RASGRP3: variants seen among roughly 807,000 people sequenced by gnomAD.
The protein encoded by RASGRP3 is ras guanyl-releasing protein 3.
A neutral mutation model predicts 82.7 loss-of-function variants in RASGRP3; 54 were observed. That is an observed-to-expected ratio of 0.65 (90% CI 0.52 to 0.82). The LOEUF (loss-of-function observed/expected upper bound fraction) is 0.82. Ranked by LOEUF, RASGRP3 falls within the 40% of genes least tolerant of loss-of-function variation. RASGRP3 has a pLI of 0.00. For synonymous variants in RASGRP3, 309 were observed against 300.5 expected (o/e 1.03, Z -0.29); for missense variants, 861 against 828.9 (o/e 1.04, Z -0.48).
intron 15 of RASGRP3, among the ~76,000 whole-genome samples, chr2:33,557,951 C>G (rs1676186825): frequency 1.3e-5 from 2 of 152,138 alleles, no homozygotes; most frequent in Middle Eastern, 3.2e-3. Context: ...TCCCTAGGCA[C>G]AATTGCTCAT....
chr2:33,527,316 A>T lies in RASGRP3; in HGVS notation c.987A>T (p.Lys329Asn). ...AGGAGAACAAAGTGAACATTGTGAA[A>T]ATGCACCAGCTCTCCGTTACCCTGA... ...WTEENKVNIV[K>N]MHQLSVTLSE... The change falls in exon 10 of 18, where the codon AAA becomes AAT. Residue 329 changes from lysine (K) to asparagine (N), a missense_variant. Coordinates refer to ENST00000403687, the MANE Select transcript of RASGRP3 (RefSeq NM_001139488.2). The T allele has an allele frequency of 6.2e-7, 1 of 1,613,900 alleles. No individual in the cohort carries two copies. The highest frequency in any genetic ancestry group is 8.5e-7 in the Non-Finnish European group (1 of 1,179,808).
At chr2:33,464,239 C>T (rs1433543435) in intron 2 of RASGRP3, among the ~76,000 whole-genome samples, 1 of 149,020 alleles carries the variant, frequency 6.7e-6, no homozygotes, top group Non-Finnish European at 1.5e-5. Flanking sequence ...CTGTCTCAGA[C>T]TCCCAAGTAG....
At chr2:33,494,352 C>T (rs1669122267) in intron 1 of RASGRP3, among the ~76,000 whole-genome samples, 1 of 152,186 alleles carries the variant, frequency 6.6e-6, no homozygotes, top group African/African-American at 2.4e-5. Flanking sequence ...ATAACGCTTC[C>T]CTGGTTTCTG....
At chr2:33,521,906 A>T in intron 6 of RASGRP3, 49 bp from the exon 7 acceptor site, 1 of 1,563,600 alleles carries the variant, frequency 6.4e-7, no homozygotes, top group Non-Finnish European at 8.6e-7. Flanking sequence ...ACTTCCATTG[A>T]GTGAAATGGG....
At chr2:33,551,793 A>C (rs1046551885) in intron 14 of RASGRP3, among the ~76,000 whole-genome samples, 1 of 152,188 alleles carries the variant, frequency 6.6e-6, no homozygotes, top group African/African-American at 2.4e-5. Flanking sequence ...GGAGATCGAG[A>C]CCATCCTGGC....
chr2:33,453,093 G>A (rs1003040710), intron 2 of RASGRP3, among the ~76,000 whole-genome samples: 7 of 152,278 alleles, frequency 4.6e-5, no homozygotes, highest in African/African-American at 1.2e-4. Flanking sequence ...ACTCTTTCTC[G>A]CCCTCTTCAA....
chr2:33,496,632 G>T (rs1490496650), intron 1 of RASGRP3, among the ~76,000 whole-genome samples: 1 of 152,176 alleles, frequency 6.6e-6, no homozygotes, highest in East Asian at 1.9e-4. Flanking sequence ...GAGGTGGGTG[G>T]ATCACTTGAG....
At chr2:33,542,476 G>C (rs1163234917) in intron 12 of RASGRP3, among the ~76,000 whole-genome samples, 1 of 146,950 alleles carries the variant, frequency 6.8e-6, no homozygotes, top group Non-Finnish European at 1.5e-5. Context: ...TCCCTACTGG[G>C]ATTTTGATTG....
In RASGRP3 at chr2:33,563,880, A is replaced by G. The variant is rs1558537899; in HGVS notation, c.*1143A>G. On this transcript the variant is annotated 3_prime_UTR_variant, in exon 18 of 18. Transcript: ENST00000403687. Reference sequence around the variant, plus strand: ...ACCCAAAATAACTAGTTATGGGTCTATTTCTTCCATGATTAGAGGAGAGAG... The same window carrying G: ...ACCCAAAATAACTAGTTATGGGTCTGTTTCTTCCATGATTAGAGGAGAGAG... 3 of 152,130 alleles carry G rather than the reference A, an allele frequency of 2.0e-5. No individual in the cohort carries two copies. Among genetic ancestry groups the G allele is most frequent in the Non-Finnish European group, 2.9e-5 (2 of 68,008 alleles). 9.4% of individuals were successfully genotyped at this position (152,130 alleles called of 1,614,324 possible). A position where few individuals can be genotyped will look rare whatever the true frequency, so the allele number is the denominator to read the frequency against.
chr2:33,539,385 A>G, intron 12 of RASGRP3, 175 bp downstream of exon 12: 1 of 556,946 alleles, frequency 1.8e-6, no homozygotes, highest in Non-Finnish European at 3.3e-6. Context: ...AGAGTCGATC[A>G]GAAAGGCCCT....
At chr2:33,540,203 T>G (rs1408510790) in intron 12 of RASGRP3, 1 of 119,344 alleles carries the variant, frequency 8.4e-6, no homozygotes, top group Non-Finnish European at 2.0e-5. Flanking sequence ...AAGAATGTCT[T>G]ACATCTTGGA....
chr2:33,557,309 C>G (rs1284827984), intron 15 of RASGRP3, among the ~76,000 whole-genome samples: 2 of 152,150 alleles, frequency 1.3e-5, no homozygotes. Context: ...AAGCCATAAG[C>G]AAATATAGAA....
chr2:33,443,902 T>C (rs1665364872), intron 1 of RASGRP3, among the ~76,000 whole-genome samples: 2 of 151,624 alleles, frequency 1.3e-5, no homozygotes, highest in African/African-American at 4.8e-5. Flanking sequence ...AAAAATAAAA[T>C]ATAAATAAAA....
chr2:33,501,209 A>G (rs1006072040), intron 1 of RASGRP3, among the ~76,000 whole-genome samples: 1 of 152,204 alleles, frequency 6.6e-6, no homozygotes, highest in Non-Finnish European at 1.5e-5. Flanking sequence ...TTCACTTAGT[A>G]TAACATTTTC....
Position 33,447,328 on chromosome 2 carries a change from G to C in RASGRP3, c.-384-492G>C, listed in dbSNP as rs1430565332. On this transcript the variant is annotated intron_variant, in intron 1 of 18. Transcript: ENST00000402538. ...TCTGGAACACTCTCTTATTTCTTCT[G>C]CTGGGAACTAGGGCTGTTTCTCTGG... Among the ~76,000 whole-genome samples, 3 of 152,106 alleles carry C rather than the reference G, an allele frequency of 2.0e-5. No homozygotes were observed. The East Asian group carries it at 5.8e-4, about 29-fold the overall frequency.
At chr2:33,540,893 C>T (rs1395790441) in intron 12 of RASGRP3, among the ~76,000 whole-genome samples, 2 of 145,168 alleles carry the variant, frequency 1.4e-5, no homozygotes, top group African/African-American at 4.9e-5. Context: ...TCTGATTTTG[C>T]ACAATTCTGT....
chr2:33,537,323 G>A (rs6543721), intron 11 of RASGRP3, among the ~76,000 whole-genome samples: 50,179 of 104,346 alleles, frequency 0.48, 13,663 homozygotes, highest in Non-Finnish European at 0.53. Flanking sequence ...CACACACACC[G>A]CCCCCCCCAC....
chr2:33,514,217 G>A (rs1267551852), intron 2 of RASGRP3, among the ~76,000 whole-genome samples: 53 of 152,104 alleles, frequency 3.5e-4, no homozygotes, highest in Admixed American at 3.5e-3. Flanking sequence ...CTTACTCTCA[G>A]GCAAGTAGAA....
At chr2:33,551,300 G>A (rs575066520) in intron 14 of RASGRP3, among the ~76,000 whole-genome samples, 1 of 151,902 alleles carries the variant, frequency 6.6e-6, no homozygotes, top group South Asian at 2.1e-4. Context: ...GTGACAGAGC[G>A]AGACTCAGTC....
Sources: gnomAD v4.1 joint callset for allele counts (sites outside exome capture counted in the v4.1 genomes callset) on GRCh38, gnomAD v4.1.1 for gene constraint, MANE v1.5 for transcripts, NCBI Gene and HGNC (gene_info 2026-07-23, HGNC 2026-07-21) for gene names.